Variants in KMT2C observed in about 807,000 individuals in gnomAD.
KMT2C encodes lysine methyltransferase 2C.
Under a neutral mutation model 507.9 loss-of-function variants are expected in KMT2C, and 88 were observed. The observed-to-expected ratio is 0.17, with a 90% CI of 0.15 to 0.21. The LOEUF (loss-of-function observed/expected upper bound fraction) is 0.21, where lower values mean the gene tolerates loss of function less well. Ranked by LOEUF, KMT2C falls within the 10% of genes least tolerant of loss-of-function variation. The pLI, the probability that KMT2C is intolerant of heterozygous loss-of-function variation, is 1.00. For synonymous variants in KMT2C, 2,049 were observed against 2,080.8 expected (o/e 0.98, Z 0.42); for missense variants, 4,954 against 5,957.8 (o/e 0.83, Z 5.55).
At chr7:152,199,185 T>C (rs1015575692) in intron 27 of KMT2C, 94 bp downstream of exon 27, 4 of 1,020,730 alleles carry the variant, frequency 3.9e-6, no homozygotes, top group Non-Finnish European at 4.3e-6. Flanking sequence ...AAAATGCATA[T>C]GAGGCCAAAC....
intron 55 of KMT2C, among the ~76,000 whole-genome samples, chr7:152,141,058 G>A (rs371224504): frequency 1.1e-4 from 17 of 152,282 alleles, no homozygotes; most frequent in African/African-American, 2.9e-4. Context: ...TGGCCAACAT[G>A]GTGAAACCCC....
intron 14 of KMT2C, among the ~76,000 whole-genome samples, chr7:152,241,189 T>C (rs1432770646): frequency 6.6e-6 from 1 of 152,138 alleles, no homozygotes; most frequent in Non-Finnish European, 1.5e-5. Context: ...TCAATAAATG[T>C]CTGGCATTTT....
rs2129166580 is a variant in KMT2C, at chr7:152,252,086, C to A, written c.1474G>T (p.Val492Phe). The A allele has an allele frequency of 1.2e-6, 2 of 1,604,974 alleles. No individual in the cohort carries two copies. Among genetic ancestry groups the A allele is most frequent in the Non-Finnish European group, 8.5e-7 (1 of 1,174,772 alleles). ...GTTGGTTTGTCACACTCTAGGTGAA[C>A]CCACCTGCAGTGATAAGTATACTTA... ...MLHCNMCKRW[V>F]HLECDKPTDH... Residue 492 changes from valine (V) to phenylalanine (F), a missense_variant, in exon 11 of 59, where the codon GTT becomes TTT. Coordinates refer to ENST00000262189, the MANE Select transcript of KMT2C (RefSeq NM_170606.3).
rs2129092595 is a variant in KMT2C, at chr7:152,144,677, G to C, written c.14343+36C>G. The C allele has an allele frequency of 6.3e-7, 1 of 1,588,664 alleles. No homozygotes were observed. The highest frequency in any genetic ancestry group is 8.6e-7 in the Non-Finnish European group (1 of 1,160,882). On this transcript the variant is annotated intron_variant, in intron 55 of 58. Transcript: ENST00000262189. This position sits in a 1 kb window ranked among gnomAD's most constrained non-coding sequence, Gnocchi z 4.4. ...GCTTCAGATTGCTAGACTCCACCCT[G>C]TCTCTCCACTTCCTGTACACAAAGT... is the stretch of plus-strand genomic sequence containing the variant.
chr7:152,417,111 TGCTAAG>T (rs2097747145), intron 1 of KMT2C, among the ~76,000 whole-genome samples: 2 of 151,940 alleles, frequency 1.3e-5, no homozygotes, highest in African/African-American at 4.8e-5. Flanking sequence ...ATTTATTGCT[TGCTAAG>T]GCATCAAATA....
chr7:152,330,751 T>C lies in KMT2C; in HGVS notation c.251-12A>G. The C allele has an allele frequency of 6.2e-7, 1 of 1,611,942 alleles. No individual in the cohort carries two copies. ...TTGTTCTTTGATTTCTGCTTAACAG[T>C]AAACAAGAGAAAACAAAGAGTCATT... On this transcript the variant is annotated splice_polypyrimidine_tract_variant and intron_variant, in intron 2 of 58. Transcript: ENST00000262189.
intron 1 of KMT2C, among the ~76,000 whole-genome samples, chr7:152,394,463 C>A (rs974672311): frequency 1.2e-4 from 18 of 152,212 alleles, no homozygotes; most frequent in Admixed American, 2.6e-4. Flanking sequence ...ACTCACTGTT[C>A]CCCGCATCAG....
chr7:152,396,372 A>C (rs529943940), intron 1 of KMT2C, among the ~76,000 whole-genome samples: 1 of 152,352 alleles, frequency 6.6e-6, no homozygotes, highest in East Asian at 1.9e-4. Context: ...AGATAATAAC[A>C]GTAATTACTT....
At chr7:152,306,509 C>T (rs2096616942) in intron 6 of KMT2C, among the ~76,000 whole-genome samples, 1 of 152,122 alleles carries the variant, frequency 6.6e-6, no homozygotes, top group Non-Finnish European at 1.5e-5. Context: ...TTATTCAAAC[C>T]TTCTCCTCTG....
At chr7:152,369,986 G>A (rs187120349) in intron 1 of KMT2C, among the ~76,000 whole-genome samples, 1 of 152,266 alleles carries the variant, frequency 6.6e-6, no homozygotes, top group Admixed American at 6.5e-5. Flanking sequence ...GAGGTCAGGA[G>A]ATCGAGACCA....
At chr7:152,353,061 TCACTC>T (rs1455449421) in intron 2 of KMT2C, among the ~76,000 whole-genome samples, 1 of 152,198 alleles carries the variant, frequency 6.6e-6, no homozygotes, top group Non-Finnish European at 1.5e-5. Flanking sequence ...AACTAGCACT[TCACTC>T]AAGTTGATTT....
chr7:152,433,308 G>T (rs934040591), intron 1 of KMT2C, among the ~76,000 whole-genome samples: 9 of 152,116 alleles, frequency 5.9e-5, no homozygotes, highest in Admixed American at 5.9e-4. Context: ...AATTTCACTG[G>T]TTACAAACCT....
At chr7:152,395,435 T>C (rs2097532108) in intron 1 of KMT2C, among the ~76,000 whole-genome samples, 1 of 152,140 alleles carries the variant, frequency 6.6e-6, no homozygotes, top group Non-Finnish European at 1.5e-5. Context: ...GTGATCCTCC[T>C]GTCTTAGCCT....
At chr7:152,408,453 C>T (rs1266148958) in intron 1 of KMT2C, among the ~76,000 whole-genome samples, 2 of 152,224 alleles carry the variant, frequency 1.3e-5, no homozygotes, top group Admixed American at 1.3e-4. Flanking sequence ...GTTCCCCCCA[C>T]CTATAGCTGC....
chr7:152,160,098 T>C (rs1341740459), intron 43 of KMT2C, among the ~76,000 whole-genome samples: 2 of 152,336 alleles, frequency 1.3e-5, no homozygotes, highest in Middle Eastern at 3.4e-3. Flanking sequence ...ATAAAACTTT[T>C]AAAATTCACG....
chr7:152,220,498 T>A lies in KMT2C; in HGVS notation c.3712+25A>T, dbSNP rs190138781. 32 of 1,518,782 alleles carry A rather than the reference T, an allele frequency of 2.1e-5. No homozygotes were observed. In the East Asian group the frequency reaches 6.7e-4, roughly 32 times the overall value. 94.1% of individuals were successfully genotyped at this position (1,518,782 alleles called of 1,614,324 possible). On this transcript the variant is annotated intron_variant, in intron 23 of 58. Transcript: ENST00000262189. ...TATGCTTTAATTCTTGCACACATAT[T>A]TCATGGAAAATAAATTAGTATTACC...
In KMT2C at chr7:152,148,911, T is replaced by C. The variant is rs544108113; in HGVS notation, c.13016A>G (p.His4339Arg). The change falls in exon 52 of 59, where the codon CAT (histidine) becomes CGT (arginine). Residue 4339 changes from histidine to arginine, a missense_variant. Physicochemically the swap from His to Arg is conservative, Grantham distance 29 (BLOSUM62 0). This residue lies in a region of KMT2C where 417 missense variants were observed against 461.1 expected (regional missense o/e 0.90). Transcript: ENST00000262189. This position sits in a 1 kb window ranked among gnomAD's most constrained non-coding sequence, Gnocchi z 7.1. ...VKLKPRLRAV[H>R]GGFEDCRPLN... ...CGGCCTGCAATCTTCAAACCCACCA[T>C]GGACAGCTCTTAGCCGAGGCTTCAG... 1.2e-6 allele frequency: 2 copies of C among 1,613,992 alleles called. No homozygotes were observed. The highest frequency in any genetic ancestry group is 1.7e-6 in the Non-Finnish European group (2 of 1,179,920).
At position 152,226,571 on chromosome 7, in the gene KMT2C, T is replaced by C. The variant is rs185674803; in HGVS notation, c.2977-1955A>G. On this transcript the variant is annotated intron_variant, in intron 18 of 58. Transcript: ENST00000262189. ...TAATGTCATTTGATTTTTAAACATGTATATTTATTATTTTGATTAGCTTAT... is the reference window on the plus strand; with the variant it reads ...TAATGTCATTTGATTTTTAAACATGCATATTTATTATTTTGATTAGCTTAT... Among the ~76,000 whole-genome samples, 1,117 of 152,316 alleles carry C rather than the reference T, an allele frequency of 7.3e-3. 12 individuals carry two copies. The highest frequency in any genetic ancestry group is 0.026 in the African/African-American group (1,086 of 41,566).
chr7:152,311,756 TC>T (rs1229150200), intron 5 of KMT2C, 41 bp downstream of exon 5: 1 of 1,462,360 alleles, frequency 6.8e-7, no homozygotes, highest in Admixed American at 2.1e-5. Flanking sequence ...TTAAAATGCT[TC>T]CAGAATTAAG....
Sources: gnomAD v4.1 joint callset for allele counts (sites outside exome capture counted in the v4.1 genomes callset) on GRCh38, gnomAD v4.1.1 for gene constraint, gnomAD v4.1.1 regional missense constraint, Gnocchi (gnomAD v3.1) non-coding constraint, MANE v1.5 for transcripts, NCBI Gene and HGNC (gene_info 2026-07-23, HGNC 2026-07-21) for gene names.